Variants in CA10 observed in about 807,000 individuals in gnomAD.
CA10 encodes the protein carbonic anhydrase-related protein 10.
In CA10, 14 loss-of-function variants were observed where a neutral mutation model predicts 44.2. The observed-to-expected ratio is 0.32, with a 90% CI of 0.21 to 0.50. The LOEUF (loss-of-function observed/expected upper bound fraction) is 0.50, where lower values mean the gene tolerates loss of function less well. Among genes scored for constraint, CA10 ranks in the 20% least tolerant of loss-of-function variants. The pLI is 0.99. For synonymous variants in CA10, 159 were observed against 141.6 expected, an observed-to-expected ratio of 1.12 and a Z score of -0.87; for missense variants, 350 against 409.7, an observed-to-expected ratio of 0.85 and a Z score of 1.26.
intron 2 of CA10, among the ~76,000 whole-genome samples, chr17:51,980,388 T>C (rs1984613844): frequency 6.6e-6 from 1 of 152,082 alleles, no homozygotes; most frequent in Non-Finnish European, 1.5e-5. Flanking sequence ...GCTTTTCTTT[T>C]ATACATTTAA....
intron 2 of CA10, among the ~76,000 whole-genome samples, chr17:52,036,007 T>G (rs894502768): frequency 1.3e-5 from 2 of 152,186 alleles, no homozygotes; most frequent in Non-Finnish European, 2.9e-5. Context: ...CAGAATCACC[T>G]GGAGAGCTAG....
chr17:52,140,289 G>A (rs535165482), intron 1 of CA10, among the ~76,000 whole-genome samples: 1 of 152,190 alleles, frequency 6.6e-6, no homozygotes, highest in South Asian at 2.1e-4. Flanking sequence ...CTAGAGCAAG[G>A]GTTAGCAAAC....
chr17:51,691,109 G>A (rs1414019831), intron 4 of CA10, among the ~76,000 whole-genome samples: 1 of 152,128 alleles, frequency 6.6e-6, no homozygotes, highest in Non-Finnish European at 1.5e-5. Flanking sequence ...GGGATTCCTG[G>A]ATCATATGGT....
At chr17:51,700,523 C>T (rs891891952) in intron 4 of CA10, among the ~76,000 whole-genome samples, 2 of 152,162 alleles carry the variant, frequency 1.3e-5, no homozygotes, top group African/African-American at 2.4e-5. Flanking sequence ...CACCTGCTTC[C>T]TCTGCTGCCA....
chr17:52,140,178 T>C (rs1345336606), intron 1 of CA10, among the ~76,000 whole-genome samples: 1 of 152,194 alleles, frequency 6.6e-6, no homozygotes, highest in Non-Finnish European at 1.5e-5. Flanking sequence ...TATAGGACTG[T>C]CTTTTTTACC....
chr17:51,703,833 G>A (rs1254546178), intron 4 of CA10, among the ~76,000 whole-genome samples: 1 of 152,158 alleles, frequency 6.6e-6, no homozygotes, highest in Admixed American at 6.5e-5. Flanking sequence ...GGAAAAATAA[G>A]GAGTCAGTGC....
intron 3 of CA10, among the ~76,000 whole-genome samples, chr17:51,774,149 T>C (rs930056191): frequency 5.9e-5 from 9 of 152,206 alleles, no homozygotes; most frequent in Non-Finnish European, 8.8e-5. Flanking sequence ...ATAATCACGT[T>C]GTCATGCCTG....
At chr17:51,894,741 G>A (rs1490393023) in intron 3 of CA10, among the ~76,000 whole-genome samples, 1 of 152,108 alleles carries the variant, frequency 6.6e-6, no homozygotes, top group African/African-American at 2.4e-5. Context: ...GTTGTTTGTA[G>A]TCACTAAGTT....
chr17:52,116,445 C>G (rs149175173), intron 1 of CA10, among the ~76,000 whole-genome samples: 2 of 152,184 alleles, frequency 1.3e-5, no homozygotes, highest in African/African-American at 4.8e-5. Flanking sequence ...TGACAGCAGG[C>G]GGGACATGGA....
chr17:51,878,268 A>G (rs1005933929), intron 3 of CA10, among the ~76,000 whole-genome samples: 2 of 151,932 alleles, frequency 1.3e-5, no homozygotes, highest in African/African-American at 4.8e-5. Context: ...ATTTAACCAC[A>G]CTGAGGCCTA....
At chr17:51,709,714 G>A (rs924191901) in intron 4 of CA10, among the ~76,000 whole-genome samples, 1 of 152,212 alleles carries the variant, frequency 6.6e-6, no homozygotes, top group Admixed American at 6.5e-5. Context: ...CAGGCAGAAA[G>A]AAGGTAGGTA....
intron 4 of CA10, among the ~76,000 whole-genome samples, chr17:51,676,283 G>A (rs1410427287): frequency 6.6e-6 from 1 of 152,214 alleles, no homozygotes; most frequent in Non-Finnish European, 1.5e-5. Flanking sequence ...TGTACTTGGA[G>A]GGTGAACATC....
chr17:51,898,733 T>C (rs1393012417), intron 3 of CA10, among the ~76,000 whole-genome samples: 1 of 152,126 alleles, frequency 6.6e-6, no homozygotes, highest in Non-Finnish European at 1.5e-5. Context: ...CAGAACTCAT[T>C]CTTGGTCTGT....
intron 2 of CA10, among the ~76,000 whole-genome samples, chr17:51,979,751 T>C (rs1213968860): frequency 6.6e-6 from 1 of 152,130 alleles, no homozygotes; most frequent in East Asian, 1.9e-4. Context: ...ATGGATTCCA[T>C]GAAATGCAGG....
At chr17:52,080,152 C>G (rs1484457299) in intron 1 of CA10, among the ~76,000 whole-genome samples, 1 of 152,174 alleles carries the variant, frequency 6.6e-6, no homozygotes, top group East Asian at 1.9e-4. Context: ...TAGCATGATA[C>G]TATTTTTAAG....
chr17:51,774,006 C>T (rs954286506), intron 3 of CA10, among the ~76,000 whole-genome samples: 33 of 152,218 alleles, frequency 2.2e-4, no homozygotes, highest in African/African-American at 7.7e-4. Flanking sequence ...AAAGCACAGA[C>T]TCTTCTCTCC....
At chr17:51,962,388 G>T (rs1215937497) in intron 2 of CA10, among the ~76,000 whole-genome samples, 1 of 152,244 alleles carries the variant, frequency 6.6e-6, no homozygotes, top group Non-Finnish European at 1.5e-5. Flanking sequence ...ACCTGTACAT[G>T]GGCCTGCCCG....
chr17:52,127,886 G>A lies in CA10; in HGVS notation c.61+29840C>T, dbSNP rs79153561. On this transcript the variant is annotated intron_variant, in intron 1 of 8. Coordinates refer to ENST00000451037, the MANE Select transcript of CA10 (RefSeq NM_020178.5). ...TGTGTTTCACCTGACCATTAAAATCGTTCTTTGGAATTAATAACAACTACC... is the reference window on the plus strand; with the variant it reads ...TGTGTTTCACCTGACCATTAAAATCATTCTTTGGAATTAATAACAACTACC... 1.1e-3 allele frequency among the ~76,000 whole-genome samples: 167 copies of A among 152,236 alleles called. 2 individuals carry two copies. Among genetic ancestry groups the A allele is most frequent in the African/African-American group, 3.8e-3 (156 of 41,550 alleles).
intron 3 of CA10, among the ~76,000 whole-genome samples, chr17:51,920,109 T>C (rs1045177985): frequency 6.6e-6 from 1 of 152,224 alleles, no homozygotes; most frequent in Admixed American, 6.5e-5. Flanking sequence ...AGTCCTTCTA[T>C]AATTTTTAAT....
Sources: gnomAD v4.1 joint callset for allele counts (sites outside exome capture counted in the v4.1 genomes callset) on GRCh38, gnomAD v4.1.1 for gene constraint, MANE v1.5 for transcripts, NCBI Gene and HGNC (gene_info 2026-07-23, HGNC 2026-07-21) for gene names.